The following FOXN3 variants were observed in gnomAD, a reference collection of about 807,000 sequenced individuals.
FOXN3 encodes the protein forkhead box protein N3.
A neutral mutation model predicts 38.4 loss-of-function variants in FOXN3; 7 were observed. The observed-to-expected ratio is 0.18, with a 90% confidence interval of 0.10 to 0.34. The LOEUF (loss-of-function observed/expected upper bound fraction) is 0.34, where lower values mean the gene tolerates loss of function less well. Among genes scored for constraint, FOXN3 ranks in the 10% least tolerant of loss-of-function variants. FOXN3 has a pLI of 1.00. For missense variants in FOXN3, 456 were observed against 613.4 expected (o/e 0.74, Z 2.71); for synonymous variants, 230 against 242.2 (o/e 0.95, Z 0.47).
At chr14:89,463,562 C>T (rs1370563432) in intron 1 of FOXN3, among the ~76,000 whole-genome samples, 2 of 152,174 alleles carry the variant, frequency 1.3e-5, no homozygotes, top group Non-Finnish European at 2.9e-5. Flanking sequence ...TTCCAATTAT[C>T]CCCACAGCAT....
At chr14:89,425,562 A>G (rs1462787744) in intron 1 of FOXN3, among the ~76,000 whole-genome samples, 1 of 148,078 alleles carries the variant, frequency 6.8e-6, no homozygotes, top group Non-Finnish European at 1.5e-5. Context: ...CACGGGGTTG[A>G]GCATGTTGGC....
At chr14:89,422,111 A>G (rs544659130), upstream of FOXN3, among the ~76,000 whole-genome samples, 3 of 152,124 alleles carry the variant, frequency 2.0e-5, no homozygotes, top group African/African-American at 7.2e-5. Flanking sequence ...GTCTCAAGCA[A>G]TCTTCCGGCT....
In FOXN3 at chr14:89,378,094, A is replaced by T. The variant is rs1206175736; in HGVS notation, c.544-27286T>A. On this transcript the variant is annotated intron_variant, in intron 2 of 5. Coordinates refer to ENST00000557258, the MANE Select transcript of FOXN3 (RefSeq NM_005197.4). ...GCCAACCAGGCTGTGGTACTTTGTT[A>T]TGTCTGCACTAGCACAGTAACATCA... Among the ~76,000 whole-genome samples the T allele has an allele frequency of 2.6e-5, 4 of 152,362 alleles. No individual in the cohort carries two copies. In the East Asian group the frequency reaches 7.7e-4, roughly 29 times the overall value.
At chr14:89,482,608 T>A (rs1434199116) in intron 1 of FOXN3, among the ~76,000 whole-genome samples, 2 of 147,034 alleles carry the variant, frequency 1.4e-5, no homozygotes, top group Admixed American at 1.4e-4. Flanking sequence ...AGCAAAACCC[T>A]GTCTAAAAAA....
intron 3 of FOXN3, among the ~76,000 whole-genome samples, chr14:89,286,170 G>C (rs916846685): frequency 6.6e-6 from 1 of 151,934 alleles, no homozygotes; most frequent in Non-Finnish European, 1.5e-5. Context: ...GGAGTAGGGA[G>C]GGGAGGAGGG....
At chr14:89,438,021 T>C (rs1402484642) in intron 1 of FOXN3, among the ~76,000 whole-genome samples, 2 of 152,248 alleles carry the variant, frequency 1.3e-5, no homozygotes. Flanking sequence ...GGTTAACAAA[T>C]GATAATGAAT....
intron 1 of FOXN3, among the ~76,000 whole-genome samples, chr14:89,504,765 A>G (rs917163916): frequency 6.6e-6 from 1 of 152,202 alleles, no homozygotes; most frequent in African/African-American, 2.4e-5. Context: ...ATGACACATC[A>G]CAATCTTACC....
At position 89,329,855 on chromosome 14, in the gene FOXN3, C is replaced by CAAA. The variant is rs57791098; in HGVS notation, c.680+20814_680+20816dup. Reference sequence around the variant, plus strand: ...TGGGCGACAGAGCGAGACTCAGTCTCAAAAAAAAAAAAAAAAAAAAAAAAA... The same window carrying CAAA: ...TGGGCGACAGAGCGAGACTCAGTCTCAAAAAAAAAAAAAAAAAAAAAAAAAAAA... On this transcript the variant is annotated intron_variant, in intron 3 of 5. Transcript: ENST00000557258. Among the ~76,000 whole-genome samples, 432 of 59,898 alleles carry CAAA rather than the reference C, an allele frequency of 7.2e-3. 5 individuals are homozygous for CAAA. The highest frequency in any genetic ancestry group is 9.5e-3 in the Non-Finnish European group (303 of 31,868). 39.3% of individuals were successfully genotyped at this position (59,898 alleles called of 152,430 possible).
At chr14:89,311,458 C>T (rs1393492435) in intron 3 of FOXN3, among the ~76,000 whole-genome samples, 4 of 111,010 alleles carry the variant, frequency 3.6e-5, no homozygotes, top group South Asian at 3.1e-4. Flanking sequence ...GGCGACAAGG[C>T]GAGACTCGGC....
In FOXN3 at chr14:89,186,549, G is replaced by C. The variant is rs1002850362; in HGVS notation, c.746-5743C>G. On this transcript the variant is annotated intron_variant, in intron 4 of 5. Coordinates refer to ENST00000557258, the MANE Select transcript of FOXN3 (RefSeq NM_005197.4). ...ACATAGCCATTTTGAGGGTGGAGAG[G>C]GTGGGGTAGGCAGATGGATTTGACT... is the stretch of plus-strand genomic sequence containing the variant. Among the ~76,000 whole-genome samples, 5 of 152,246 alleles carry C rather than the reference G, an allele frequency of 3.3e-5. No individual in the cohort carries two copies. In the East Asian group the frequency reaches 9.6e-4, roughly 29 times the overall value.
intron 1 of FOXN3, among the ~76,000 whole-genome samples, chr14:89,416,626 C>A (rs1459408369): frequency 1.3e-5 from 2 of 152,144 alleles, no homozygotes; most frequent in African/African-American, 2.4e-5. Flanking sequence ...TCCTTGCGGG[C>A]GTCTTTTCGG....
chr14:89,580,108 A>G lies in FOXN3; in HGVS notation c.-15+38920T>C, dbSNP rs139559277. 7.9e-5 allele frequency among the ~76,000 whole-genome samples: 12 copies of G among 152,350 alleles called. No homozygotes were observed. In the East Asian group the frequency reaches 2.3e-3, roughly 29 times the overall value. ...ATTTGACTCCATAACCCATATTTCT[A>G]AACACCAGATTGGTATTTCTAGCAG... On this transcript the variant is annotated intron_variant, in intron 1 of 6. Transcript: ENST00000345097.
chr14:89,328,861 C>T (rs1366357853), intron 3 of FOXN3, among the ~76,000 whole-genome samples: 1 of 152,170 alleles, frequency 6.6e-6, no homozygotes, highest in Non-Finnish European at 1.5e-5. Flanking sequence ...TACCATCCTC[C>T]ATTTAGATGT....
intron 1 of FOXN3, among the ~76,000 whole-genome samples, chr14:89,607,132 T>C (rs1451933459): frequency 6.6e-6 from 1 of 152,176 alleles, no homozygotes; most frequent in African/African-American, 2.4e-5. Flanking sequence ...ACACTTAATG[T>C]TGGTGAGGGT....
At chr14:89,437,189 A>C (rs1892291246) in intron 1 of FOXN3, among the ~76,000 whole-genome samples, 2 of 137,848 alleles carry the variant, frequency 1.5e-5, no homozygotes, top group South Asian at 4.7e-4. Flanking sequence ...AACAAAACAA[A>C]ACAAAAAAAA....
intron 1 of FOXN3, among the ~76,000 whole-genome samples, chr14:89,415,480 T>C (rs1442721973): frequency 6.6e-6 from 1 of 151,928 alleles, no homozygotes; most frequent in Admixed American, 6.6e-5. Flanking sequence ...GTGCGTTTTG[T>C]GCTGGGACCC....
intron 4 of FOXN3, among the ~76,000 whole-genome samples, chr14:89,204,925 T>C (rs1373773360): frequency 1.4e-5 from 2 of 143,770 alleles, no homozygotes; most frequent in Admixed American, 6.7e-5. Context: ...CAATTAAGTA[T>C]GGAAATGTAG....
At chr14:89,415,622 A>AC (rs1891676648) in intron 1 of FOXN3, among the ~76,000 whole-genome samples, 1 of 149,272 alleles carries the variant, frequency 6.7e-6, no homozygotes, top group African/African-American at 2.5e-5. Context: ...AAAAAAAAAA[A>AC]AAAAAAAAAC....
At position 89,513,900 on chromosome 14, in the gene FOXN3, TC is replaced by T. The variant is rs1275392292; in HGVS notation, c.-14-101411del. On this transcript the variant is annotated intron_variant, in intron 1 of 6. Coordinates refer to the FOXN3 transcript ENST00000345097. ...ATCTCTCTCTCTTTCCTTCTCTTTCTCTCTTACACACACACACACACACACA... is the reference window on the plus strand; with the variant it reads ...ATCTCTCTCTCTTTCCTTCTCTTTCTTCTTACACACACACACACACACACA... Among the ~76,000 whole-genome samples, 614 of 135,464 alleles carry T rather than the reference TC, an allele frequency of 4.5e-3. 6 individuals are homozygous for T. The highest frequency in any genetic ancestry group is 0.017 in the African/African-American group (582 of 35,226). The allele number at this position is 135,464 out of a possible 152,430, so 88.9% of individuals were successfully genotyped here.
Sources: allele counts gnomAD v4.1 joint callset (sites outside exome capture counted in the v4.1 genomes callset), GRCh38; gene constraint gnomAD v4.1.1; transcripts MANE v1.5; gene names NCBI Gene and HGNC (gene_info 2026-07-23, HGNC 2026-07-21).